The following VPS41 variants were observed in gnomAD, a reference collection of about 807,000 sequenced individuals.
VPS41 encodes vacuolar protein sorting-associated protein 41 homolog.
Under a neutral mutation model 130.9 loss-of-function variants are expected in VPS41, and 85 were observed. The observed-to-expected ratio is 0.65, with a 90% CI of 0.55 to 0.78. The LOEUF is 0.78. Among genes scored for constraint, VPS41 ranks in the 30% least tolerant of loss-of-function variants. VPS41 has a pLI of 0.00. For synonymous variants in VPS41, 335 were observed against 332.9 expected (o/e 1.01, Z -0.07); for missense variants, 874 against 1,018.7 (o/e 0.86, Z 1.93).
At chr7:38,768,857 G>A (rs995383439) in intron 14 of VPS41, among the ~76,000 whole-genome samples, 2 of 151,824 alleles carry the variant, frequency 1.3e-5, no homozygotes, top group African/African-American at 4.8e-5. Context: ...TTTTCCCTCA[G>A]CATAAGCATG....
chr7:38,771,414 G>A (rs1426113614), intron 13 of VPS41, among the ~76,000 whole-genome samples, 160 bp from the exon 14 acceptor site: 1 of 152,128 alleles, frequency 6.6e-6, no homozygotes, highest in African/African-American at 2.4e-5. Flanking sequence ...ATTTTCCCAT[G>A]GCTTTTGCTT....
rs142888358 is a variant in VPS41 at position 38,763,657 on chromosome 7, A to G, written c.1330-110T>C. On this transcript the variant is annotated intron_variant, in intron 16 of 28. Coordinates refer to ENST00000310301, the MANE Select transcript of VPS41 (RefSeq NM_014396.4). ...ATTTTTACTTTAAAAATGTGAGGGA[A>G]TACAGTACTCTGAAAAAAATGTTTT... The G allele has an allele frequency of 2.6e-3, 1,575 of 617,168 alleles. 3 individuals carry two copies. The highest frequency in any genetic ancestry group is 3.7e-3 in the Non-Finnish European group (1,364 of 370,442). The allele number at this position is 617,168 out of a possible 1,614,324, so 38.2% of individuals were successfully genotyped here. A position where few individuals can be genotyped will look rare whatever the true frequency, so the allele number is the denominator to read the frequency against.
intron 12 of VPS41, 44 bp downstream of exon 12, chr7:38,774,071 A>G: frequency 6.6e-7 from 1 of 1,511,390 alleles, no homozygotes; most frequent in African/African-American, 1.4e-5. Flanking sequence ...GGGGAGAAAA[A>G]AACATTAAAA....
chr7:38,766,248 G>A (rs917005355), intron 15 of VPS41, among the ~76,000 whole-genome samples: 3 of 152,120 alleles, frequency 2.0e-5, no homozygotes, highest in African/African-American at 4.8e-5. Context: ...GTCATGCAGC[G>A]GGCACTGCCA....
At chr7:38,865,585 G>A (rs1034502802) in intron 3 of VPS41, among the ~76,000 whole-genome samples, 1 of 152,130 alleles carries the variant, frequency 6.6e-6, no homozygotes, top group Non-Finnish European at 1.5e-5. Flanking sequence ...AAGACCCTAT[G>A]GAACATAGTA....
At chr7:38,751,982 C>T (rs1783683725) in intron 22 of VPS41, among the ~76,000 whole-genome samples, 194 bp downstream of exon 22, 1 of 152,332 alleles carries the variant, frequency 6.6e-6, no homozygotes, top group African/African-American at 2.4e-5. Context: ...CAGCTCTTCA[C>T]CAAAGTCTAA....
rs185130592 is a variant in VPS41 at position 38,757,605 on chromosome 7, C to T, written c.1551-623G>A. ...CAACTTAGAATGCCATAAACACAAC[C>T]TCCTCTTGTGGAAAATCCAACACGT... On this transcript the variant is annotated intron_variant, in intron 18 of 28. Coordinates refer to ENST00000310301, the MANE Select transcript of VPS41 (RefSeq NM_014396.4). Among the ~76,000 whole-genome samples, 185 of 152,244 alleles carry T rather than the reference C, an allele frequency of 1.2e-3. 2 individuals are homozygous for T. The highest frequency in any genetic ancestry group is 4.2e-3 in the African/African-American group (176 of 41,550).
At chr7:38,810,527 T>C (rs1385111975) in intron 7 of VPS41, among the ~76,000 whole-genome samples, 1 of 152,226 alleles carries the variant, frequency 6.6e-6, no homozygotes, top group African/African-American at 2.4e-5. Flanking sequence ...CACGAATATC[T>C]CATAGTGGTC....
At chr7:38,809,400 TA>T (rs1230639501) in intron 7 of VPS41, among the ~76,000 whole-genome samples, 3 of 149,038 alleles carry the variant, frequency 2.0e-5, no homozygotes, top group African/African-American at 7.3e-5. Flanking sequence ...TATACCTCAA[TA>T]AAGCTAGAAA....
intron 1 of VPS41, among the ~76,000 whole-genome samples, chr7:38,902,994 G>A (rs986391289): frequency 6.6e-6 from 1 of 152,020 alleles, no homozygotes; most frequent in Non-Finnish European, 1.5e-5. Flanking sequence ...CATGTTGCTG[G>A]TGATGATGAT....
intron 19 of VPS41, among the ~76,000 whole-genome samples, chr7:38,756,137 T>C (rs1299546938): frequency 1.3e-5 from 2 of 152,106 alleles, no homozygotes; most frequent in Non-Finnish European, 2.9e-5. Context: ...TATCTAAAAT[T>C]TCAATTTTTT....
At chr7:38,777,459 C>T (rs1784280639) in intron 10 of VPS41, among the ~76,000 whole-genome samples, 1 of 152,046 alleles carries the variant, frequency 6.6e-6, no homozygotes. Flanking sequence ...AAAGATCTGA[C>T]AGAAAGCTCA....
At chr7:38,792,777 A>AGGGCCCCT (rs1469121949) in intron 9 of VPS41, among the ~76,000 whole-genome samples, 2 of 152,036 alleles carry the variant, frequency 1.3e-5, no homozygotes, top group African/African-American at 4.8e-5. Context: ...AGACTTCTCA[A>AGGGCCCCT]GGGCCCCTGG....
At position 38,774,125 on chromosome 7, in the gene VPS41, A is replaced by C; in HGVS notation, c.1002T>G (p.Asp334Glu). The change falls in exon 12 of 29, where the codon GAT becomes GAG. Residue 334 changes from aspartate to glutamate, a missense_variant. Transcript: ENST00000310301. The stretch of plus-strand genomic sequence containing the variant: ...TTTCATATCTCCTACCTAAATGATA[A>C]TCTCTACATTCATTCTCCTGAAAGC... ...VRGFQENECR[D>E]YHLEYSEGES... 6.2e-7 allele frequency: 1 copy of C among 1,603,128 alleles called. No individual in the cohort carries two copies. The highest frequency in any genetic ancestry group is 1.7e-5 in the Admixed American group (1 of 59,618).
At chr7:38,861,615 C>T (rs1310807132) in intron 4 of VPS41, among the ~76,000 whole-genome samples, 1 of 152,162 alleles carries the variant, frequency 6.6e-6, no homozygotes, top group African/African-American at 2.4e-5. Context: ...TCCCATACAA[C>T]GTGTCAGCTT....
chr7:38,816,970 A>G (rs1432035855), intron 7 of VPS41, among the ~76,000 whole-genome samples: 1 of 152,192 alleles, frequency 6.6e-6, no homozygotes, highest in Non-Finnish European at 1.5e-5. Context: ...TCAAACTCCC[A>G]GCCTCAAGTG....
At chr7:38,751,537 T>A (rs1024340632) in intron 22 of VPS41, among the ~76,000 whole-genome samples, 2 of 152,238 alleles carry the variant, frequency 1.3e-5, no homozygotes, top group African/African-American at 4.8e-5. Flanking sequence ...ATTTATTCAT[T>A]CATTCTCTCA....
chr7:38,883,771 A>G (rs1388981012), intron 2 of VPS41, among the ~76,000 whole-genome samples: 2 of 152,156 alleles, frequency 1.3e-5, no homozygotes, highest in Non-Finnish European at 2.9e-5. Flanking sequence ...TCATCTCTTC[A>G]ATCTCTAAGA....
At chr7:38,821,587 T>C (rs890692734) in intron 5 of VPS41, among the ~76,000 whole-genome samples, 1 of 151,530 alleles carries the variant, frequency 6.6e-6, no homozygotes, top group East Asian at 2.0e-4. Context: ...CGTGCATCTG[T>C]AGTCCCAGCT....
Sources: gnomAD v4.1 joint callset for allele counts (sites outside exome capture counted in the v4.1 genomes callset) on GRCh38, gnomAD v4.1.1 for gene constraint, MANE v1.5 for transcripts, NCBI Gene and HGNC (gene_info 2026-07-23, HGNC 2026-07-21) for gene names.